Variants in LRRTM3 observed in about 807,000 individuals in gnomAD.
LRRTM3 encodes leucine-rich repeat transmembrane neuronal protein 3.
Under a neutral mutation model 44.7 loss-of-function variants are expected in LRRTM3, and 24 were observed. That is an observed-to-expected ratio of 0.54 (90% CI 0.39 to 0.76). The LOEUF is 0.76. Among genes scored for constraint, LRRTM3 ranks in the 30% least tolerant of loss-of-function variants. The pLI is 0.00. For missense variants in LRRTM3, 587 were observed against 702.2 expected, an observed-to-expected ratio of 0.84 and a Z score of 1.85; for synonymous variants, 277 against 278.7, an observed-to-expected ratio of 0.99 and a Z score of 0.06.
chr10:67,012,961 C>T lies in LRRTM3; in HGVS notation c.1536+84509C>T, dbSNP rs1053359108. The stretch of plus-strand genomic sequence containing the variant: ...CTTTTCATGATTTTAAAAAAACCAA[C>T]ACTTTTCCCTTATATTTTCCAGGTA... On this transcript the variant is annotated intron_variant, in intron 2 of 2. Coordinates refer to ENST00000361320, the MANE Select transcript of LRRTM3 (RefSeq NM_178011.5). 4.0e-4 allele frequency: 61 copies of T among 152,102 alleles called. 1 individual carries two copies. Among genetic ancestry groups the T allele is most frequent in the African/African-American group, 1.4e-3 (59 of 41,446 alleles). 9.4% of individuals were successfully genotyped at this position (152,102 alleles called of 1,614,324 possible).
rs1456880224 is a variant in LRRTM3, at chr10:66,927,379, G to A, written c.463G>A (p.Gly155Ser). 1.2e-6 allele frequency: 2 copies of A among 1,614,074 alleles called. No individual in the cohort carries two copies. Among genetic ancestry groups the A allele is most frequent in the Admixed American group, 3.3e-5 (2 of 60,018 alleles). Residue 155 changes from glycine (G) to serine (S), a missense_variant, in exon 2 of 3, where the codon GGC becomes AGC. Coordinates refer to ENST00000361320, the MANE Select transcript of LRRTM3 (RefSeq NM_178011.5). This position sits in a 1 kb window ranked among gnomAD's most constrained non-coding sequence, Gnocchi z 4.7. Reference protein sequence around the residue: ...LHSLGSEQFRGLRKLLSLHLR... With the variant: ...LHSLGSEQFRSLRKLLSLHLR... ...TTCTCTGGGATCTGAACAGTTTCGG[G>A]GCTTGCGGAAGCTGCTGAGTTTACA...
intron 2 of LRRTM3, among the ~76,000 whole-genome samples, chr10:66,936,793 T>C (rs1263984822): frequency 6.6e-6 from 1 of 152,148 alleles, no homozygotes; most frequent in South Asian, 2.1e-4. Flanking sequence ...TGGTTTCTTA[T>C]GCGTTATCAA....
intron 2 of LRRTM3, among the ~76,000 whole-genome samples, chr10:67,032,388 G>A (rs889196378): frequency 2.6e-5 from 4 of 151,938 alleles, no homozygotes; most frequent in South Asian, 2.1e-4. Flanking sequence ...AGCCCATTTC[G>A]CCTCCAATAA....
At chr10:67,002,031 G>A (rs539551645) in intron 2 of LRRTM3, among the ~76,000 whole-genome samples, 2 of 152,262 alleles carry the variant, frequency 1.3e-5, no homozygotes, top group Admixed American at 6.5e-5. Flanking sequence ...GGAGGTCACC[G>A]TCTGGTTGAC....
At position 67,019,409 on chromosome 10, in the gene LRRTM3, G is replaced by A. The variant is rs79133803; in HGVS notation, c.1537-78178G>A. Among the ~76,000 whole-genome samples, 1,165 of 152,066 alleles carry A rather than the reference G, an allele frequency of 7.7e-3. 40 individuals carry two copies. In the East Asian group the frequency reaches 0.11, roughly 14 times the overall value. On this transcript the variant is annotated intron_variant, in intron 2 of 2. Transcript: ENST00000361320. Reference sequence around the variant, plus strand: ...AATTTTGTGTTTTTAGTAGAGACAGGGTTTCTCCACATTGGTCAAGCTGGT... The same window carrying A: ...AATTTTGTGTTTTTAGTAGAGACAGAGTTTCTCCACATTGGTCAAGCTGGT...
intron 2 of LRRTM3, among the ~76,000 whole-genome samples, chr10:67,084,240 C>G (rs1589715834): frequency 6.6e-6 from 1 of 151,552 alleles, no homozygotes; most frequent in East Asian, 1.9e-4. Context: ...GAGTTATCCT[C>G]AAATGGTTGG....
intron 2 of LRRTM3, among the ~76,000 whole-genome samples, chr10:66,936,229 G>A (rs890400542): frequency 6.6e-6 from 1 of 151,982 alleles, no homozygotes; most frequent in African/African-American, 2.4e-5. Flanking sequence ...ACACTAAAAT[G>A]CAAGAGCATT....
At chr10:67,058,055 C>T (rs558177364) in intron 2 of LRRTM3, among the ~76,000 whole-genome samples, 1 of 152,128 alleles carries the variant, frequency 6.6e-6, no homozygotes, top group Non-Finnish European at 1.5e-5. Context: ...GTCCCCAAGA[C>T]CTGTCATGTC....
At chr10:67,026,177 G>A (rs1853374340) in intron 2 of LRRTM3, among the ~76,000 whole-genome samples, 1 of 151,094 alleles carries the variant, frequency 6.6e-6, no homozygotes, top group South Asian at 2.1e-4. Flanking sequence ...GTTAATGGGT[G>A]CAGCACACCA....
At chr10:66,958,587 C>G (rs1848957557) in intron 2 of LRRTM3, among the ~76,000 whole-genome samples, 2 of 152,056 alleles carry the variant, frequency 1.3e-5, no homozygotes, top group African/African-American at 4.8e-5. Context: ...TAAGCGAATC[C>G]TGCCATTTTA....
chr10:66,968,670 T>C (rs1849563814), intron 2 of LRRTM3, among the ~76,000 whole-genome samples: 1 of 152,108 alleles, frequency 6.6e-6, no homozygotes, highest in Admixed American at 6.6e-5. Context: ...TGAAACTGGG[T>C]ATACAGCACC....
At chr10:67,091,791 C>A (rs975891803) in intron 2 of LRRTM3, among the ~76,000 whole-genome samples, 1 of 151,892 alleles carries the variant, frequency 6.6e-6, no homozygotes, top group African/African-American at 2.4e-5. Context: ...AGATGGGCAA[C>A]AAGTAGATTA....
chr10:67,025,322 A>C (rs563522700), intron 2 of LRRTM3, among the ~76,000 whole-genome samples: 3 of 151,348 alleles, frequency 2.0e-5, no homozygotes, highest in South Asian at 2.1e-4. Flanking sequence ...CTATTTTGTA[A>C]GCCCATGCAA....
intron 2 of LRRTM3, among the ~76,000 whole-genome samples, chr10:67,085,917 G>T (rs961158193): frequency 6.6e-6 from 1 of 151,552 alleles, no homozygotes; most frequent in African/African-American, 2.4e-5. Context: ...TAAACATGAC[G>T]TTATCTATAT....
intron 2 of LRRTM3, among the ~76,000 whole-genome samples, chr10:67,074,905 A>G (rs1856667949): frequency 1.3e-5 from 2 of 152,178 alleles, no homozygotes; most frequent in Admixed American, 1.3e-4. Flanking sequence ...AAAATGGTCT[A>G]TATTTAACAC....
intron 2 of LRRTM3, among the ~76,000 whole-genome samples, chr10:67,082,324 T>C (rs768811453): frequency 2.0e-5 from 3 of 152,196 alleles, no homozygotes; most frequent in Non-Finnish European, 4.4e-5. Context: ...AAGTCATAAG[T>C]GCTAGATTTA....
chr10:66,969,004 G>C lies in LRRTM3; in HGVS notation c.1536+40552G>C, dbSNP rs1849580999. Reference sequence around the variant, plus strand: ...TGCACTCCAGCCTGGGCAACAGAATGAGACTCCATCTCAAAATAAATAAAT... The same window carrying C: ...TGCACTCCAGCCTGGGCAACAGAATCAGACTCCATCTCAAAATAAATAAAT... On this transcript the variant is annotated intron_variant, in intron 2 of 2. Coordinates refer to ENST00000361320, the MANE Select transcript of LRRTM3 (RefSeq NM_178011.5). Among the ~76,000 whole-genome samples the C allele has an allele frequency of 3.3e-5, 5 of 152,068 alleles. No individual in the cohort carries two copies. In the South Asian group the frequency reaches 1.0e-3, roughly 32 times the overall value.
chr10:67,041,784 G>C (rs1854407970), intron 2 of LRRTM3, among the ~76,000 whole-genome samples: 2 of 152,046 alleles, frequency 1.3e-5, no homozygotes, highest in Non-Finnish European at 2.9e-5. Context: ...CTCCAGTTTT[G>C]CTTAGAATTC....
intron 2 of LRRTM3, among the ~76,000 whole-genome samples, chr10:67,094,665 T>C (rs1335003314): frequency 6.6e-6 from 1 of 151,784 alleles, no homozygotes; most frequent in East Asian, 1.9e-4. Flanking sequence ...ACAATACTTA[T>C]AAATTAAAAA....
Sources: allele counts gnomAD v4.1 joint callset (sites outside exome capture counted in the v4.1 genomes callset), GRCh38; gene constraint gnomAD v4.1.1; non-coding constraint Gnocchi (gnomAD v3.1); transcripts MANE v1.5; gene names NCBI Gene and HGNC (gene_info 2026-07-23, HGNC 2026-07-21).